Variants in PLEKHG5 observed in about 807,000 individuals in gnomAD.
The protein encoded by PLEKHG5 is pleckstrin homology domain-containing family G member 5.
A neutral mutation model predicts 103.8 loss-of-function variants in PLEKHG5; 52 were observed. The ratio of observed to expected loss-of-function variants is 0.50; its 90% CI spans 0.40 to 0.63. The LOEUF (loss-of-function observed/expected upper bound fraction) is 0.63. PLEKHG5 is among the 30% of genes least tolerant of loss of function. The pLI is 0.00. For missense variants in PLEKHG5, 1,205 were observed against 1,347.6 expected, an observed-to-expected ratio of 0.89 and a Z score of 1.66; for synonymous variants, 592 against 575.5, an observed-to-expected ratio of 1.03 and a Z score of -0.41.
At chr1:6,499,402 CCTG>C (rs1202968591), upstream of PLEKHG5, among the ~76,000 whole-genome samples, 2 of 152,210 alleles carry the variant, frequency 1.3e-5, no homozygotes, top group Non-Finnish European at 2.9e-5. Context: ...GCCTCTGACC[CCTG>C]GTCTCAGCAG....
rs760691971 is a variant in PLEKHG5 at position 6,475,496 on chromosome 1, A to G, written c.176T>C (p.Leu59Pro). ...KGDRKSTGLK[L>P]SKKKARRRHT... is the part of the protein sequence containing the mutation. ...TCTCCTCCTTGCTTTCTTCTTGGAG[A>G]GTTTCAGGCCTGTGCTCTTCCGGTC... The change falls in exon 4 of 21, where the codon CTC (leucine) becomes CCC (proline). Residue 59 changes from leucine (L) to proline (P), a missense_variant. Leu to Pro is a moderately conservative substitution (Grantham distance 98). Coordinates refer to ENST00000377728, the MANE Select transcript of PLEKHG5 (RefSeq NM_020631.6). The G allele has an allele frequency of 1.2e-6, 2 of 1,612,730 alleles. No homozygotes were observed. Among genetic ancestry groups the G allele is most frequent in the Non-Finnish European group, 8.5e-7 (1 of 1,179,750 alleles).
At chr1:6,474,290 CAGCACCCT>C in intron 6 of PLEKHG5, 126 bp from the exon 7 acceptor site, 1 of 1,350,620 alleles carries the variant, frequency 7.4e-7, no homozygotes, top group Non-Finnish European at 1.0e-6. Flanking sequence ...CCCGCCCTGC[CAGCACCCT>C]CCCCTCCCCC....
rs769576836 is a variant in PLEKHG5 at position 6,467,858 on chromosome 1, G to T, written c.2978C>A (p.Thr993Asn). The T allele has an allele frequency of 9.9e-6, 16 of 1,613,060 alleles. No homozygotes were observed. The highest frequency in any genetic ancestry group is 1.4e-5 in the Non-Finnish European group (16 of 1,179,858). Residue 993 changes from threonine (T) to asparagine (N), a missense_variant, in exon 20 of 21, where the codon ACC (threonine) becomes AAC (asparagine). Coordinates refer to ENST00000377728, the MANE Select transcript of PLEKHG5 (RefSeq NM_020631.6). Reference protein sequence around the residue: ...LTLAQLYRIRTTLLLNSTLTA... With the variant: ...LTLAQLYRIRNTLLLNSTLTA... ...GAGCGTGGAGTTAAGCAGCAGGGTGGTCCTGATTCGGTAGAGCTGGGCCAG... is the reference window on the plus strand; with the variant it reads ...GAGCGTGGAGTTAAGCAGCAGGGTGTTCCTGATTCGGTAGAGCTGGGCCAG...
intron 3 of PLEKHG5, 121 bp from the exon 4 acceptor site, chr1:6,475,643 G>A: frequency 1.1e-6 from 1 of 887,374 alleles, no homozygotes; most frequent in East Asian, 2.4e-5. Context: ...AACCCGCGTG[G>A]ATTCAACCCG....
At chr1:6,491,868 G>T (rs1272681398), upstream of PLEKHG5, among the ~76,000 whole-genome samples, 10 of 152,164 alleles carry the variant, frequency 6.6e-5, no homozygotes, top group Non-Finnish European at 7.3e-5. This position sits in a 1 kb window ranked among gnomAD's most constrained non-coding sequence, Gnocchi z 4.1. Flanking sequence ...CTAGTGATGG[G>T]GTGCTCACTA....
At chr1:6,478,892 C>A (rs1644830091) in intron 1 of PLEKHG5, among the ~76,000 whole-genome samples, 1 of 152,208 alleles carries the variant, frequency 6.6e-6, no homozygotes, top group South Asian at 2.1e-4. Context: ...GATCCGCCTG[C>A]CTCGGCCTCC....
In PLEKHG5 at chr1:6,468,078, G is replaced by A. The variant is rs1206960475; in HGVS notation, c.2758C>T (p.Pro920Ser). 4 of 1,583,274 alleles carry A rather than the reference G, an allele frequency of 2.5e-6. No individual in the cohort carries two copies. The highest frequency in any genetic ancestry group is 1.1e-5 in the South Asian group (1 of 87,500). The part of the protein sequence containing the change: ...PAPGIRTQGS[P>S]QEAGPSWDCR... The stretch of plus-strand genomic sequence containing the variant: ...TCCCAGCTGGGCCCAGCTTCCTGAG[G>A]GGAGCCCTGAGTCCTAATACCTGGG... Residue 920 changes from proline to serine, a missense_variant, in exon 20 of 21, where the codon CCT (proline) becomes TCT (serine). By Grantham distance (74) the Pro-to-Ser change is moderately conservative (BLOSUM62 -1). Coordinates refer to ENST00000377728, the MANE Select transcript of PLEKHG5 (RefSeq NM_020631.6).
chr1:6,475,570 G>A (rs376415855), intron 3 of PLEKHG5, 48 bp from the exon 4 acceptor site: 59 of 1,528,430 alleles, frequency 3.9e-5, no homozygotes, highest in Non-Finnish European at 5.1e-5. Flanking sequence ...GGTGGCCCTC[G>A]CCAGCGTGGG....
At chr1:6,500,434 G>A (rs898095823), upstream of PLEKHG5, among the ~76,000 whole-genome samples, 1 of 152,008 alleles carries the variant, frequency 6.6e-6, no homozygotes, top group African/African-American at 2.4e-5. Context: ...CTGCCTCTTC[G>A]TAGCAACCCC....
chr1:6,513,017 C>A (rs373683827), intron 1 of PLEKHG5, among the ~76,000 whole-genome samples: 8 of 152,224 alleles, frequency 5.3e-5, no homozygotes, highest in Non-Finnish European at 8.8e-5. Flanking sequence ...TAAAAGCCTG[C>A]CCCCGGCATG....
At chr1:6,518,114 A>G (rs1476512857) in intron 1 of PLEKHG5, among the ~76,000 whole-genome samples, 3 of 151,608 alleles carry the variant, frequency 2.0e-5, no homozygotes, top group Non-Finnish European at 4.4e-5. Context: ...TTGTATTTTT[A>G]GTAGAGACGG....
Position 6,491,618 on chromosome 1 carries a change from T to C in PLEKHG5, c.-88+19A>G. 1.0e-6 allele frequency: 1 copy of C among 978,502 alleles called. No homozygotes were observed. Among genetic ancestry groups the C allele is most frequent in the Non-Finnish European group, 1.2e-6 (1 of 823,786 alleles). 60.6% of individuals were successfully genotyped at this position (978,502 alleles called of 1,614,324 possible). On this transcript the variant is annotated intron_variant, in intron 1 of 20. Coordinates refer to ENST00000377728, the MANE Select transcript of PLEKHG5 (RefSeq NM_020631.6). This position sits in a 1 kb window ranked among gnomAD's most constrained non-coding sequence, Gnocchi z 4.1. ...AGCATTGCCCAGGAGAATAGGTGATTGCCTCTCCCATTACTCACATCCTGC... is the reference window on the plus strand; with the variant it reads ...AGCATTGCCCAGGAGAATAGGTGATCGCCTCTCCCATTACTCACATCCTGC...
chr1:6,469,699 G>A (rs1357270969), intron 16 of PLEKHG5, 23 bp from the exon 17 acceptor site: 1 of 1,609,554 alleles, frequency 6.2e-7, no homozygotes, highest in South Asian at 1.1e-5. Flanking sequence ...GAGGGGGGGT[G>A]GCCAGAGAGG....
In PLEKHG5 at chr1:6,519,036, G is replaced by A. The variant is rs1472610083; in HGVS notation, c.-165+409C>T. On this transcript the variant is annotated intron_variant, in intron 1 of 21. Coordinates refer to the PLEKHG5 transcript ENST00000377740. ...TTTTTGTATTTTTAGTAGAGACGGG[G>A]TTTCACCGTGTTAACCAGGATGGTC... Among the ~76,000 whole-genome samples, 3 of 152,288 alleles carry A rather than the reference G, an allele frequency of 2.0e-5. No homozygotes were observed. The South Asian group carries it at 6.2e-4, about 32-fold the overall frequency.
intron 1 of PLEKHG5, among the ~76,000 whole-genome samples, chr1:6,507,446 C>A (rs1323827038): frequency 6.6e-6 from 1 of 152,158 alleles, no homozygotes; most frequent in Non-Finnish European, 1.5e-5. Context: ...CACTGGGCTC[C>A]CCAGCCAGGC....
intron 1 of PLEKHG5, among the ~76,000 whole-genome samples, chr1:6,512,309 T>C (rs540183649): frequency 6.6e-6 from 1 of 152,320 alleles, no homozygotes; most frequent in African/African-American, 2.4e-5. Flanking sequence ...TGCTCAGCAC[T>C]GTTCAAGCCC....
At chr1:6,518,812 G>C (rs1203681203) in intron 1 of PLEKHG5, among the ~76,000 whole-genome samples, 1 of 152,150 alleles carries the variant, frequency 6.6e-6, no homozygotes, top group African/African-American at 2.4e-5. Flanking sequence ...CAGCAGCAAA[G>C]CCAACCTGCC....
intron 1 of PLEKHG5, among the ~76,000 whole-genome samples, chr1:6,483,861 GA>G (rs1644959696): frequency 6.6e-6 from 1 of 152,204 alleles, no homozygotes; most frequent in Admixed American, 6.5e-5. Context: ...CTCTTCCTGG[GA>G]GCCCCCCGTC....
At position 6,490,439 on chromosome 1, in the gene PLEKHG5, A is replaced by T; in HGVS notation, c.-88+1198T>A. On this transcript the variant is annotated intron_variant, in intron 1 of 20. Coordinates refer to ENST00000377728, the MANE Select transcript of PLEKHG5 (RefSeq NM_020631.6). The surrounding 1 kb of genome is among the most constrained non-coding windows in gnomAD (Gnocchi z 8.0). Reference sequence around the variant, plus strand: ...GGAGCGCAGCTCCCACTTCCCCGCGACTCACCTAGGAACAGGACCAGGGTC... The same window carrying T: ...GGAGCGCAGCTCCCACTTCCCCGCGTCTCACCTAGGAACAGGACCAGGGTC... 1 of 984,800 alleles carries T rather than the reference A, an allele frequency of 1.0e-6. No homozygotes were observed. The highest frequency in any genetic ancestry group is 1.2e-6 in the Non-Finnish European group (1 of 829,824). The allele number at this position is 984,800 out of a possible 1,614,324, so 61.0% of individuals were successfully genotyped here.
Sources: gnomAD v4.1 joint callset for allele counts (sites outside exome capture counted in the v4.1 genomes callset) on GRCh38, gnomAD v4.1.1 for gene constraint, Gnocchi (gnomAD v3.1) non-coding constraint, MANE v1.5 for transcripts, NCBI Gene and HGNC (gene_info 2026-07-23, HGNC 2026-07-21) for gene names.